Variants in HS3ST1 observed in about 807,000 individuals in gnomAD.
HS3ST1 encodes the protein heparan sulfate glucosamine 3-O-sulfotransferase 1.
HS3ST1 carries 8 observed loss-of-function variants against 20.7 expected under a neutral mutation model. The ratio of observed to expected loss-of-function variants is 0.39; its 90% CI spans 0.23 to 0.70. The LOEUF (loss-of-function observed/expected upper bound fraction) is 0.70, where lower values mean the gene tolerates loss of function less well. Among genes scored for constraint, HS3ST1 ranks in the 30% least tolerant of loss-of-function variants. HS3ST1 has a pLI of 0.46. For missense variants in HS3ST1, 436 were observed against 423.4 expected (o/e 1.03, Z -0.26); for synonymous variants, 205 against 190.4 (o/e 1.08, Z -0.63).
chr4:11,423,049 A>AAAAAG (rs1560237599), intron 1 of HS3ST1, among the ~76,000 whole-genome samples: 15 of 149,486 alleles, frequency 1.0e-4, no homozygotes, highest in Non-Finnish European at 1.6e-4. Flanking sequence ...AAAAAAAAAA[A>AAAAAG]GTGCTGAACG....
At chr4:11,408,458 A>C (rs535883139) in intron 1 of HS3ST1, among the ~76,000 whole-genome samples, 18 of 152,344 alleles carry the variant, frequency 1.2e-4, no homozygotes, top group African/African-American at 4.3e-4. Flanking sequence ...TCAAAGAAGA[A>C]AGGACAGTGA....
rs374290631 is a variant in HS3ST1, at chr4:11,399,082, T to C, written c.924A>G (p.Ter308TrpextTer5). The change falls in exon 2 of 2, where the codon TGA (stop) becomes TGG (tryptophan). Residue 308 changes from the stop codon to tryptophan, a stop_lost. Transcript: ENST00000002596. This position sits in a 1 kb window ranked among gnomAD's most constrained non-coding sequence, Gnocchi z 5.1. ...GTTTCTGAGCTTAGCTTATTGCAAA[T>C]CAGTGCCAGTCAAATGTTCTGCCAA... The part of the protein sequence containing the change: ...ELVGRTFDWH[*>W] 27 of 1,607,888 alleles carry C rather than the reference T, an allele frequency of 1.7e-5. No homozygotes were observed. Among genetic ancestry groups the C allele is most frequent in the Non-Finnish European group, 2.3e-5 (27 of 1,175,302 alleles).
chr4:11,420,959 G>A (rs941715533), intron 1 of HS3ST1, among the ~76,000 whole-genome samples: 1 of 152,104 alleles, frequency 6.6e-6, no homozygotes, highest in African/African-American at 2.4e-5. Flanking sequence ...ATAAAATACA[G>A]GATGTCCAGT....
rs778875486 is a variant in HS3ST1 at position 11,398,302 on chromosome 4, C to G, written c.*780G>C. 1.3e-5 allele frequency: 2 copies of G among 152,226 alleles called. No homozygotes were observed. Among genetic ancestry groups the G allele is most frequent in the African/African-American group, 2.4e-5 (1 of 41,446 alleles). 9.4% of individuals were successfully genotyped at this position (152,226 alleles called of 1,614,324 possible). The stretch of plus-strand genomic sequence containing the variant: ...GATTTCGCAGTTTCTCTTTTCTATT[C>G]TAATTGGCTTTCTGGAGGCCAGCTG... On this transcript the variant is annotated 3_prime_UTR_variant, in exon 2 of 2. Transcript: ENST00000002596.
Position 11,399,875 on chromosome 4 carries a change from C to A in HS3ST1, c.131G>T (p.Gly44Val). 1.2e-6 allele frequency: 2 copies of A among 1,612,078 alleles called. No homozygotes were observed. The highest frequency in any genetic ancestry group is 8.5e-7 in the Non-Finnish European group (1 of 1,179,768). ...CTGGGCAGAGCCGTTTGGGGCCACG[C>A]CATCGCGGACGTCATCCTGGAGGGT... ...AGTLQDDVRD[G>V]VAPNGSAQQL... The change falls in exon 2 of 2, where the codon GGC (glycine) becomes GTC (valine). Residue 44 changes from glycine to valine, a missense_variant. Gly to Val is a moderately radical substitution (Grantham distance 109). Transcript: ENST00000002596. The surrounding 1 kb of genome is among the most constrained non-coding windows in gnomAD (Gnocchi z 5.1).
intron 1 of HS3ST1, among the ~76,000 whole-genome samples, chr4:11,419,063 A>C (rs1718858738): frequency 6.6e-6 from 1 of 151,936 alleles, no homozygotes; most frequent in Non-Finnish European, 1.5e-5. Context: ...ACCCTGTCAC[A>C]AAACATCACT....
chr4:11,423,648 A>G (rs1481910974), intron 1 of HS3ST1, among the ~76,000 whole-genome samples: 2 of 152,186 alleles, frequency 1.3e-5, no homozygotes, highest in Admixed American at 1.3e-4. Flanking sequence ...GAGCAGAACA[A>G]TATGCGGTAC....
At chr4:11,422,248 T>G (rs1718958282) in intron 1 of HS3ST1, among the ~76,000 whole-genome samples, 1 of 152,226 alleles carries the variant, frequency 6.6e-6, no homozygotes, top group East Asian at 1.9e-4. Context: ...TCTTAAATAT[T>G]TCTTCCACCA....
upstream of HS3ST1, among the ~76,000 whole-genome samples, chr4:11,431,862 G>T (rs1469989282): frequency 2.0e-5 from 3 of 152,158 alleles, no homozygotes; most frequent in Non-Finnish European, 4.4e-5. Context: ...GGAGGTTTAG[G>T]AGAGTTTAGT....
chr4:11,420,381 A>G (rs1042379361), intron 1 of HS3ST1, among the ~76,000 whole-genome samples: 1 of 152,120 alleles, frequency 6.6e-6, no homozygotes, highest in Non-Finnish European at 1.5e-5. Flanking sequence ...GTGTTCATCT[A>G]TTTGGGGGGA....
At chr4:11,400,474 T>TA in intron 1 of HS3ST1, among the ~76,000 whole-genome samples, 1 of 152,340 alleles carries the variant, frequency 6.6e-6, no homozygotes, top group Non-Finnish European at 1.5e-5. Context: ...TCCTTCTTAC[T>TA]ATTGTTATTT....
In HS3ST1 at chr4:11,394,461, G is replaced by A. The variant is rs1283674755; in HGVS notation, c.*4621C>T. On this transcript the variant is annotated 3_prime_UTR_variant, in exon 2 of 2. Coordinates refer to ENST00000002596, the MANE Select transcript of HS3ST1 (RefSeq NM_005114.4). ...GCCTTCTCTCACTGTGTGCTGTTTG[G>A]AGAACTCTGTTATGTTGCTCTGGCC... 3 of 152,232 alleles carry A rather than the reference G, an allele frequency of 2.0e-5. No homozygotes were observed. The South Asian group carries it at 6.2e-4, about 32-fold the overall frequency. The allele number at this position is 152,232 out of a possible 1,614,324, so 9.4% of individuals were successfully genotyped here.
intron 1 of HS3ST1, among the ~76,000 whole-genome samples, chr4:11,423,319 C>T (rs924719591): frequency 6.6e-6 from 1 of 152,024 alleles, no homozygotes; most frequent in Non-Finnish European, 1.5e-5. Context: ...CCAAAACTAC[C>T]CAATGGATGA....
chr4:11,410,373 T>C (rs16881477), intron 1 of HS3ST1, among the ~76,000 whole-genome samples: 9,430 of 152,234 alleles, frequency 0.062, 850 homozygotes, highest in East Asian at 0.44. Context: ...GCAAAGATCA[T>C]GTTCGAACAC....
chr4:11,415,224 G>T (rs1157024011), intron 1 of HS3ST1, among the ~76,000 whole-genome samples: 1 of 152,174 alleles, frequency 6.6e-6, no homozygotes, highest in Non-Finnish European at 1.5e-5. Flanking sequence ...GAAATAAATG[G>T]ATGGGGCAGA....
At position 11,400,070 on chromosome 4, in the gene HS3ST1, A is replaced by T; in HGVS notation, c.-65T>A. On this transcript the variant is annotated 5_prime_UTR_variant, in exon 2 of 2. Coordinates refer to ENST00000002596, the MANE Select transcript of HS3ST1 (RefSeq NM_005114.4). ...GGGTCATGAAGTGCCGCAGCAGGGA[A>T]GCCTCCTAGTCAGTGGCACATGGGC... is the stretch of plus-strand genomic sequence containing the variant. The T allele has an allele frequency of 1.4e-6, 2 of 1,436,766 alleles. No individual in the cohort carries two copies. The highest frequency in any genetic ancestry group is 1.4e-5 in the African/African-American group (1 of 69,908). The allele number at this position is 1,436,766 out of a possible 1,614,324, so 89.0% of individuals were successfully genotyped here.
intron 1 of HS3ST1, among the ~76,000 whole-genome samples, chr4:11,426,028 C>T (rs374588931): frequency 5.9e-4 from 90 of 152,292 alleles, no homozygotes; most frequent in African/African-American, 2.0e-3. Context: ...TTACCACTCT[C>T]CTGCAACAAC....
chr4:11,410,690 A>G (rs1310723418), intron 1 of HS3ST1, among the ~76,000 whole-genome samples: 7 of 152,202 alleles, frequency 4.6e-5, no homozygotes, highest in South Asian at 4.2e-4. Context: ...TCAAGAGTTC[A>G]AGACCAGCCG....
At chr4:11,432,513 A>G (rs1297473681), upstream of HS3ST1, among the ~76,000 whole-genome samples, 1 of 152,250 alleles carries the variant, frequency 6.6e-6, no homozygotes, top group African/African-American at 2.4e-5. Flanking sequence ...GTATTGTTTA[A>G]TTGTGCATTG....
Sources: gnomAD v4.1 joint callset for allele counts (sites outside exome capture counted in the v4.1 genomes callset) on GRCh38, gnomAD v4.1.1 for gene constraint, Gnocchi (gnomAD v3.1) non-coding constraint, MANE v1.5 for transcripts, NCBI Gene and HGNC (gene_info 2026-07-23, HGNC 2026-07-21) for gene names.